CDH13: variants seen among roughly 807,000 people sequenced by gnomAD.
CDH13 encodes the protein cadherin 13.
A neutral mutation model predicts 63.8 loss-of-function variants in CDH13; 24 were observed. The observed-to-expected ratio is 0.38, with a 90% CI of 0.27 to 0.53. The LOEUF (loss-of-function observed/expected upper bound fraction) is 0.53. CDH13 is among the 20% of genes least tolerant of loss of function. The pLI, the probability that CDH13 is intolerant of heterozygous loss-of-function variation, is 0.85. For synonymous variants in CDH13, 503 were observed against 355.3 expected (o/e 1.42, Z -4.67); for missense variants, 1,049 against 903.1 (o/e 1.16, Z -2.07).
chr16:82,991,698 C>T (rs773773022), intron 2 of CDH13, among the ~76,000 whole-genome samples: 7 of 152,108 alleles, frequency 4.6e-5, no homozygotes, highest in Admixed American at 1.3e-4. Flanking sequence ...GTGAACATTG[C>T]GTGTGGCACA....
chr16:83,758,558 G>A (rs146172995), intron 11 of CDH13, among the ~76,000 whole-genome samples: 20 of 152,214 alleles, frequency 1.3e-4, no homozygotes, highest in Non-Finnish European at 2.6e-4. Context: ...CAGCCAGAGC[G>A]AGAAGGCAAA....
chr16:83,131,823 T>C (rs2036065888), intron 4 of CDH13, among the ~76,000 whole-genome samples: 1 of 152,226 alleles, frequency 6.6e-6, no homozygotes, highest in Non-Finnish European at 1.5e-5. Flanking sequence ...AAGGCCATCT[T>C]TAACCCAGGA....
intron 7 of CDH13, among the ~76,000 whole-genome samples, chr16:83,531,362 TGGCTCCC>T (rs2075078844): frequency 6.6e-6 from 1 of 152,202 alleles, no homozygotes; most frequent in Admixed American, 6.5e-5. Context: ...GACTAAAAGA[TGGCTCCC>T]CCAGACACCC....
intron 1 of CDH13, among the ~76,000 whole-genome samples, chr16:82,843,912 G>C (rs1187919549): frequency 4.6e-5 from 7 of 152,202 alleles, no homozygotes; most frequent in Admixed American, 4.6e-4. Flanking sequence ...AGGCTTTCCT[G>C]ATTTCACAGG....
chr16:83,413,665 G>A (rs1597963992), intron 6 of CDH13, among the ~76,000 whole-genome samples: 1 of 152,070 alleles, frequency 6.6e-6, no homozygotes, highest in African/African-American at 2.4e-5. Context: ...CCTCAAAACA[G>A]CCCTCCCTTA....
chr16:83,543,117 G>T (rs937710568), intron 7 of CDH13, among the ~76,000 whole-genome samples: 7 of 152,184 alleles, frequency 4.6e-5, no homozygotes, highest in Non-Finnish European at 8.8e-5. Flanking sequence ...TTGGCACATC[G>T]TATGTTTTAA....
intron 4 of CDH13, among the ~76,000 whole-genome samples, chr16:83,149,521 A>G (rs1472791231): frequency 6.6e-6 from 1 of 152,226 alleles, no homozygotes; most frequent in African/African-American, 2.4e-5. Context: ...AATTCATGGA[A>G]ACTTATCATG....
intron 5 of CDH13, among the ~76,000 whole-genome samples, chr16:83,288,988 C>T (rs544078025): frequency 2.0e-4 from 30 of 152,282 alleles, no homozygotes; most frequent in South Asian, 6.2e-4. Context: ...ACTGCCTGCT[C>T]GCTACAGTTC....
chr16:83,367,438 T>C (rs994370738), intron 6 of CDH13, among the ~76,000 whole-genome samples: 29 of 152,258 alleles, frequency 1.9e-4, no homozygotes, highest in African/African-American at 7.0e-4. Context: ...CTACTATGAA[T>C]AATGCTGCTC....
At chr16:83,093,124 A>C (rs994611802) in intron 3 of CDH13, among the ~76,000 whole-genome samples, 3 of 152,066 alleles carry the variant, frequency 2.0e-5, no homozygotes, top group Non-Finnish European at 2.9e-5. Context: ...AGAAACCATT[A>C]GTCTTTGCCT....
chr16:83,287,482 C>T (rs1479221528), intron 5 of CDH13, among the ~76,000 whole-genome samples: 1 of 152,154 alleles, frequency 6.6e-6, no homozygotes, highest in Admixed American at 6.5e-5. Flanking sequence ...TCAGGGGCAG[C>T]ATTAGATTCT....
intron 10 of CDH13, among the ~76,000 whole-genome samples, chr16:83,737,891 G>A (rs444881): frequency 6.6e-6 from 1 of 152,002 alleles, no homozygotes; most frequent in Non-Finnish European, 1.5e-5. Flanking sequence ...ACTCAGGCAA[G>A]CTCCTAGACC....
intron 8 of CDH13, among the ~76,000 whole-genome samples, chr16:83,652,872 C>A (rs887482970): frequency 6.6e-6 from 1 of 152,180 alleles, no homozygotes; most frequent in Non-Finnish European, 1.5e-5. Context: ...CAGCATTATT[C>A]CCCATAGCCA....
chr16:83,341,424 C>T (rs761427276), intron 5 of CDH13, among the ~76,000 whole-genome samples: 5 of 152,162 alleles, frequency 3.3e-5, no homozygotes, highest in Non-Finnish European at 5.9e-5. Context: ...GATTTTGTTA[C>T]GGTATGTGAT....
rs529185224 is a variant in CDH13, at chr16:83,543,319, C to A, written c.960+56664C>A. On this transcript the variant is annotated intron_variant, in intron 7 of 13. Transcript: ENST00000567109. ...ATATTTTAAAAACAACCTTAGTGGG[C>A]CTTCATGCTTTTATTCCACCTTATG... Among the ~76,000 whole-genome samples the A allele has an allele frequency of 3.3e-5, 5 of 152,246 alleles. No homozygotes were observed. The East Asian group carries it at 9.7e-4, about 29-fold the overall frequency.
At chr16:83,668,253 A>G (rs938346829) in intron 8 of CDH13, among the ~76,000 whole-genome samples, 1 of 152,176 alleles carries the variant, frequency 6.6e-6, no homozygotes, top group African/African-American at 2.4e-5. Context: ...TTCATTCAAC[A>G]AATATCTACT....
chr16:82,982,543 A>G (rs1437897684), intron 2 of CDH13, among the ~76,000 whole-genome samples: 1 of 152,206 alleles, frequency 6.6e-6, no homozygotes, highest in African/African-American at 2.4e-5. Context: ...CTGCATTTGC[A>G]TGGCTTCAAC....
intron 5 of CDH13, among the ~76,000 whole-genome samples, chr16:83,236,022 C>T (rs1283564806): frequency 6.6e-6 from 1 of 152,116 alleles, no homozygotes; most frequent in Non-Finnish European, 1.5e-5. Context: ...AAATAATTTG[C>T]ATTTAAATGC....
chr16:83,784,838 T>TTGGAC (rs1915772755), intron 13 of CDH13, among the ~76,000 whole-genome samples: 1 of 151,912 alleles, frequency 6.6e-6, no homozygotes, highest in Admixed American at 6.6e-5. Flanking sequence ...CCCAACAGAG[T>TTGGAC]CTAAGGGTCC....
Sources: gnomAD v4.1 joint callset for allele counts (sites outside exome capture counted in the v4.1 genomes callset) on GRCh38, gnomAD v4.1.1 for gene constraint, MANE v1.5 for transcripts, NCBI Gene and HGNC (gene_info 2026-07-23, HGNC 2026-07-21) for gene names.